Variants in RASA3 observed in about 807,000 individuals in gnomAD.
RASA3 encodes the protein ras GTPase-activating protein 3.
A neutral mutation model predicts 110.0 loss-of-function variants in RASA3; 73 were observed. That is an observed-to-expected ratio of 0.66 (90% CI 0.55 to 0.81). The LOEUF (loss-of-function observed/expected upper bound fraction) is 0.81. Ranked by LOEUF, RASA3 falls within the 30% of genes least tolerant of loss-of-function variation. The probability of loss-of-function intolerance (pLI) is 0.00; values close to 1 mark genes in which losing one functional copy is unlikely to be tolerated. For synonymous variants in RASA3, 500 were observed against 451.4 expected (o/e 1.11, Z -1.37); for missense variants, 976 against 1,113.2 (o/e 0.88, Z 1.75).
At chr13:114,113,606 A>G (rs9590455) in intron 1 of RASA3, among the ~76,000 whole-genome samples, 1,162 of 85,518 alleles carry the variant, frequency 0.014, 6 homozygotes, top group Middle Eastern at 0.064. Context: ...GCATCCATCA[A>G]TCCACCCACC....
chr13:114,104,975 A>C (rs2080114706), intron 1 of RASA3, among the ~76,000 whole-genome samples: 1 of 151,748 alleles, frequency 6.6e-6, no homozygotes, highest in Non-Finnish European at 1.5e-5. Context: ...CCTCACAGGA[A>C]GGGTGGCCCC....
intron 16 of RASA3, among the ~76,000 whole-genome samples, chr13:114,010,173 G>A (rs770306052): frequency 8.5e-5 from 13 of 152,122 alleles, no homozygotes; most frequent in African/African-American, 1.9e-4. Context: ...TTACTCACTC[G>A]GACTCAGAGA....
chr13:114,043,840 C>CT (rs2078986382), intron 3 of RASA3, among the ~76,000 whole-genome samples: 1 of 67,620 alleles, frequency 1.5e-5, no homozygotes, highest in Non-Finnish European at 3.0e-5. Context: ...TCGCTGAGCC[C>CT]CCCGCCCCGC....
In RASA3 at chr13:113,998,123, G is replaced by C. The variant is rs559312121; in HGVS notation, c.1933-1384C>G. On this transcript the variant is annotated intron_variant, in intron 20 of 23. Coordinates refer to ENST00000334062, the MANE Select transcript of RASA3 (RefSeq NM_007368.4). Reference sequence around the variant, plus strand: ...AGGCGGCTGAAACTAGGGAATTATTGGGAATCTATGTGAAGGGCTGGAGGT... The same window carrying C: ...AGGCGGCTGAAACTAGGGAATTATTCGGAATCTATGTGAAGGGCTGGAGGT... Among the ~76,000 whole-genome samples the C allele has an allele frequency of 1.4e-3, 218 of 152,282 alleles. 1 individual carries two copies. Among genetic ancestry groups the C allele is most frequent in the Middle Eastern group, 6.8e-3 (2 of 294 alleles).
chr13:114,095,978 T>C (rs570680050), intron 1 of RASA3, among the ~76,000 whole-genome samples: 1 of 152,370 alleles, frequency 6.6e-6, no homozygotes, highest in South Asian at 2.1e-4. Flanking sequence ...TCCTCTTTGG[T>C]ACTACAAGCT....
At chr13:114,020,560 C>A (rs926888993) in intron 9 of RASA3, among the ~76,000 whole-genome samples, 13 of 152,230 alleles carry the variant, frequency 8.5e-5, no homozygotes, top group African/African-American at 2.9e-4. Context: ...GAGGCCCCGG[C>A]ACACAGTCCA....
At chr13:113,996,343 G>C (rs1033619165) in intron 21 of RASA3, among the ~76,000 whole-genome samples, 188 bp downstream of exon 21, 2 of 152,196 alleles carry the variant, frequency 1.3e-5, no homozygotes, top group African/African-American at 4.8e-5. Context: ...GCCTTCCAGA[G>C]GCTGGGCCCC....
At chr13:114,058,636 G>A (rs1001446742) in intron 2 of RASA3, among the ~76,000 whole-genome samples, 5 of 152,198 alleles carry the variant, frequency 3.3e-5, no homozygotes, top group Non-Finnish European at 7.3e-5. Context: ...AACCATGCCC[G>A]TCCTCGCCTG....
At chr13:114,125,838 C>T (rs908488206) in intron 1 of RASA3, among the ~76,000 whole-genome samples, 2 of 152,218 alleles carry the variant, frequency 1.3e-5, no homozygotes, top group East Asian at 1.9e-4. Flanking sequence ...GCTGCCTCCC[C>T]GACCCCCACC....
Position 114,024,225 on chromosome 13 carries a change from G to A in RASA3, c.680+54C>T. On this transcript the variant is annotated intron_variant, in intron 8 of 23. Coordinates refer to ENST00000334062, the MANE Select transcript of RASA3 (RefSeq NM_007368.4). ...TTTAGTAACAAAGAACAAAAGAGCT[G>A]AGGAGTTTGGGTGAAAACTGCCAAG... 10 of 1,482,232 alleles carry A rather than the reference G, an allele frequency of 6.7e-6. No individual in the cohort carries two copies. In the South Asian group the frequency reaches 1.1e-4, roughly 17 times the overall value. The allele number at this position is 1,482,232 out of a possible 1,614,324, so 91.8% of individuals were successfully genotyped here.
intron 4 of RASA3, among the ~76,000 whole-genome samples, chr13:114,036,855 G>A (rs1232081048): frequency 1.3e-5 from 2 of 152,184 alleles, no homozygotes; most frequent in African/African-American, 2.4e-5. Context: ...AGGTTTTAAA[G>A]GTTGGCTGGA....
intron 5 of RASA3, among the ~76,000 whole-genome samples, chr13:114,028,707 A>G (rs111993598): frequency 0.1 from 1,836 of 17,566 alleles, 203 homozygotes; most frequent in Middle Eastern, 0.33. Context: ...CTAAAACGGC[A>G]TCATCCTGGG....
intron 18 of RASA3, among the ~76,000 whole-genome samples, chr13:114,001,257 C>T (rs546248595): frequency 5.9e-5 from 9 of 152,368 alleles, no homozygotes; most frequent in East Asian, 1.9e-4. Flanking sequence ...GGCGGACCTG[C>T]GGCCGTGGGC....
At chr13:114,122,370 C>G (rs1382234836) in intron 1 of RASA3, among the ~76,000 whole-genome samples, 2 of 152,250 alleles carry the variant, frequency 1.3e-5, no homozygotes, top group East Asian at 3.9e-4. Context: ...CCCCTGGGCT[C>G]TGCATGCAGA....
At chr13:114,064,831 C>G (rs370001803) in intron 2 of RASA3, among the ~76,000 whole-genome samples, 1 of 152,262 alleles carries the variant, frequency 6.6e-6, no homozygotes, top group Non-Finnish European at 1.5e-5. Context: ...AGGCGGCCCC[C>G]ACTCACCGCC....
In RASA3 at chr13:114,002,900, AAACACACGC is replaced by A. The variant is rs1415850194; in HGVS notation, c.1743-1977_1743-1969del. On this transcript the variant is annotated intron_variant, in intron 18 of 23. Coordinates refer to ENST00000334062, the MANE Select transcript of RASA3 (RefSeq NM_007368.4). ...GCAGCCACGGCCAACTCAACTCAGC[AAACACACGC>A]TGCGCTGCAGAGGCCCCGTCCCCAG... is the stretch of plus-strand genomic sequence containing the variant. 2.0e-5 allele frequency among the ~76,000 whole-genome samples: 3 copies of A among 152,338 alleles called. No homozygotes were observed. In the East Asian group the frequency reaches 5.8e-4, roughly 29 times the overall value.
At chr13:114,023,283 A>G (rs1341359937) in intron 8 of RASA3, among the ~76,000 whole-genome samples, 1 of 147,516 alleles carries the variant, frequency 6.8e-6, no homozygotes, top group African/African-American at 2.5e-5. Flanking sequence ...AGGCTCGGGG[A>G]ACATCCCAGG....
At chr13:114,067,140 C>G (rs1327517545) in intron 2 of RASA3, among the ~76,000 whole-genome samples, 5 of 149,792 alleles carry the variant, frequency 3.3e-5, no homozygotes, top group Non-Finnish European at 1.5e-5. Context: ...GGGCCCCCCA[C>G]CTGGGGCACT....
intron 1 of RASA3, among the ~76,000 whole-genome samples, chr13:114,123,952 G>A (rs1261520736): frequency 2.0e-5 from 3 of 152,200 alleles, no homozygotes; most frequent in African/African-American, 7.2e-5. Context: ...AAGAAACAAT[G>A]TAAAGAGGAA....
Sources: gnomAD v4.1 joint callset for allele counts (sites outside exome capture counted in the v4.1 genomes callset) on GRCh38, gnomAD v4.1.1 for gene constraint, MANE v1.5 for transcripts, NCBI Gene and HGNC (gene_info 2026-07-23, HGNC 2026-07-21) for gene names.